The following VWC2L variants were observed in gnomAD, a reference collection of about 807,000 sequenced individuals.
The protein encoded by VWC2L is von Willebrand factor C domain-containing protein 2-like.
VWC2L carries 10 observed loss-of-function variants against 21.6 expected under a neutral mutation model. That is an observed-to-expected ratio of 0.46 (90% confidence interval 0.29 to 0.78). The LOEUF (loss-of-function observed/expected upper bound fraction) is 0.78, where lower values mean the gene tolerates loss of function less well. Ranked by LOEUF, VWC2L falls within the 30% of genes least tolerant of loss-of-function variation. The pLI, the probability that VWC2L is intolerant of heterozygous loss-of-function variation, is 0.10. For missense variants in VWC2L, 209 were observed against 277.1 expected (o/e 0.75, Z 1.74); for synonymous variants, 96 against 94.3 (o/e 1.02, Z -0.10).
At chr2:214,459,728 G>A (rs1479929093) in intron 3 of VWC2L, among the ~76,000 whole-genome samples, 2 of 151,794 alleles carry the variant, frequency 1.3e-5, no homozygotes, top group East Asian at 3.9e-4. Flanking sequence ...AACTTTGCTG[G>A]GTATAGGATT....
At chr2:214,574,466 C>G (rs773468580) in intron 3 of VWC2L, among the ~76,000 whole-genome samples, 16 of 152,092 alleles carry the variant, frequency 1.1e-4, no homozygotes, top group Non-Finnish European at 1.9e-4. Context: ...AAATATGAAG[C>G]GGAACTACAC....
intron 3 of VWC2L, among the ~76,000 whole-genome samples, chr2:214,527,885 T>C (rs958344178): frequency 3.9e-5 from 6 of 152,218 alleles, no homozygotes; most frequent in South Asian, 2.1e-4. Context: ...TAAGAAGTCA[T>C]CCTTACTTAT....
intron 2 of VWC2L, among the ~76,000 whole-genome samples, chr2:214,425,190 T>G (rs1470819512): frequency 6.6e-6 from 1 of 152,236 alleles, no homozygotes; most frequent in African/African-American, 2.4e-5. Flanking sequence ...GAATCAGATA[T>G]TCTTCCCTTT....
rs780996102 is a variant in VWC2L, at chr2:214,471,321, C to T, written c.520+34563C>T. Among the ~76,000 whole-genome samples the T allele has an allele frequency of 2.6e-5, 4 of 152,142 alleles. No individual in the cohort carries two copies. The South Asian group carries it at 8.3e-4, about 31-fold the overall frequency. ...AGAAAATGAAGGCAATTCATAGAAA[C>T]TCATCAGTGACTAAAGTTGAACGAA... On this transcript the variant is annotated intron_variant, in intron 3 of 3. Coordinates refer to ENST00000312504, the MANE Select transcript of VWC2L (RefSeq NM_001080500.4).
At chr2:214,446,958 T>C (rs745493601) in intron 3 of VWC2L, among the ~76,000 whole-genome samples, 1 of 152,176 alleles carries the variant, frequency 6.6e-6, no homozygotes, top group Non-Finnish European at 1.5e-5. Context: ...CCCTGAAAAC[T>C]ATTCTTAAAC....
chr2:214,455,473 A>C (rs974020656), intron 3 of VWC2L, among the ~76,000 whole-genome samples: 2 of 152,178 alleles, frequency 1.3e-5, no homozygotes, highest in Non-Finnish European at 2.9e-5. Flanking sequence ...AAATGCATGG[A>C]ATGTGTAATG....
chr2:214,545,740 A>T (rs1305394819), intron 3 of VWC2L, among the ~76,000 whole-genome samples: 1 of 152,314 alleles, frequency 6.6e-6, no homozygotes, highest in African/African-American at 2.4e-5. Flanking sequence ...TTATTGGGGA[A>T]ATCAAGAAAT....
chr2:214,460,143 C>A (rs185364359), intron 3 of VWC2L, among the ~76,000 whole-genome samples: 11 of 152,006 alleles, frequency 7.2e-5, no homozygotes, highest in Non-Finnish European at 1.6e-4. Flanking sequence ...TCAGGTGATC[C>A]GCCTGCCTCA....
At chr2:214,451,857 T>C (rs1007565507) in intron 3 of VWC2L, among the ~76,000 whole-genome samples, 2 of 152,252 alleles carry the variant, frequency 1.3e-5, no homozygotes, top group Non-Finnish European at 2.9e-5. Flanking sequence ...AAAATTTTCA[T>C]TTTTAAATAA....
intron 3 of VWC2L, among the ~76,000 whole-genome samples, chr2:214,495,800 A>G (rs1031776001): frequency 6.6e-5 from 10 of 152,228 alleles, no homozygotes; most frequent in Non-Finnish European, 1.3e-4. Context: ...ACATAAGGAT[A>G]TATGCTTAAA....
Position 214,563,418 on chromosome 2 carries a change from G to A in VWC2L, c.521-12254G>A, listed in dbSNP as rs1022194767. On this transcript the variant is annotated intron_variant, in intron 3 of 3. Coordinates refer to ENST00000312504, the MANE Select transcript of VWC2L (RefSeq NM_001080500.4). ...AAAAATTAGCCAGGTATGGTGGCAGGTGCCTGTATTCCCAGCTACTCAGGA... is the reference window on the plus strand; with the variant it reads ...AAAAATTAGCCAGGTATGGTGGCAGATGCCTGTATTCCCAGCTACTCAGGA... 2.0e-5 allele frequency among the ~76,000 whole-genome samples: 3 copies of A among 151,572 alleles called. No homozygotes were observed. The South Asian group carries it at 6.3e-4, about 32-fold the overall frequency.
intron 3 of VWC2L, among the ~76,000 whole-genome samples, chr2:214,499,725 T>C (rs534806923): frequency 5.9e-4 from 90 of 152,364 alleles, no homozygotes; most frequent in African/African-American, 2.1e-3. Context: ...TCATTTTTTA[T>C]TCATGCATTG....
chr2:214,523,797 T>C (rs980061259), intron 3 of VWC2L, among the ~76,000 whole-genome samples: 2 of 152,178 alleles, frequency 1.3e-5, no homozygotes, highest in African/African-American at 4.8e-5. Context: ...ATCGCACCCT[T>C]GCAGTCCAGC....
At chr2:214,530,930 T>C (rs989090616) in intron 3 of VWC2L, among the ~76,000 whole-genome samples, 1 of 152,218 alleles carries the variant, frequency 6.6e-6, no homozygotes, top group Admixed American at 6.5e-5. Flanking sequence ...GGCAATCGTG[T>C]TAGGATGAAT....
At chr2:214,471,495 G>A (rs1243654939) in intron 3 of VWC2L, among the ~76,000 whole-genome samples, 1 of 152,168 alleles carries the variant, frequency 6.6e-6, no homozygotes, top group Non-Finnish European at 1.5e-5. Flanking sequence ...CTGTACACAT[G>A]TAATCTCACT....
chr2:214,442,243 G>A (rs1276516579), intron 3 of VWC2L, among the ~76,000 whole-genome samples: 2 of 152,054 alleles, frequency 1.3e-5, no homozygotes, highest in Admixed American at 1.3e-4. Context: ...TATTGAGTTT[G>A]TATGTGTATA....
chr2:214,542,649 G>C (rs896619781), intron 3 of VWC2L, among the ~76,000 whole-genome samples: 2 of 152,178 alleles, frequency 1.3e-5, no homozygotes, highest in African/African-American at 4.8e-5. Flanking sequence ...GCAGGCAGCG[G>C]TCAAAACAAG....
At chr2:214,490,185 G>A (rs1210594839) in intron 3 of VWC2L, among the ~76,000 whole-genome samples, 1 of 152,174 alleles carries the variant, frequency 6.6e-6, no homozygotes, top group Non-Finnish European at 1.5e-5. Flanking sequence ...AGAACAGACT[G>A]AGACCTGGAC....
chr2:214,452,311 C>A (rs1166981990), intron 3 of VWC2L, among the ~76,000 whole-genome samples: 1 of 152,120 alleles, frequency 6.6e-6, no homozygotes. Context: ...CACACCACCA[C>A]GCTTGGCTAA....
Sources: gnomAD v4.1 joint callset for allele counts (sites outside exome capture counted in the v4.1 genomes callset) on GRCh38, gnomAD v4.1.1 for gene constraint, MANE v1.5 for transcripts, NCBI Gene and HGNC (gene_info 2026-07-23, HGNC 2026-07-21) for gene names.